FAM184A: variants seen among roughly 807,000 people sequenced by gnomAD.
FAM184A encodes family with sequence similarity 184 member A.
Under a neutral mutation model 143.8 loss-of-function variants are expected in FAM184A, and 99 were observed. That is an observed-to-expected ratio of 0.69 (90% confidence interval 0.58 to 0.81). The LOEUF is 0.81. FAM184A is among the 40% of genes least tolerant of loss of function. The pLI, the probability that FAM184A is intolerant of heterozygous loss-of-function variation, is 0.00. For missense variants in FAM184A, 1,217 were observed against 1,310.5 expected (o/e 0.93, Z 1.10); for synonymous variants, 427 against 446.4 (o/e 0.96, Z 0.55).
At chr6:118,971,089 A>G (rs1357971106) in intron 14 of FAM184A, among the ~76,000 whole-genome samples, 1 of 152,222 alleles carries the variant, frequency 6.6e-6, no homozygotes, top group Admixed American at 6.5e-5. Flanking sequence ...ATCATTTTCT[A>G]AACTCTTAAA....
chr6:119,053,508 G>A (rs537736660), intron 1 of FAM184A, among the ~76,000 whole-genome samples: 8 of 152,104 alleles, frequency 5.3e-5, no homozygotes, highest in Admixed American at 2.0e-4. Context: ...ACAGCCTAAC[G>A]CCAATTGTGC....
intron 6 of FAM184A, among the ~76,000 whole-genome samples, chr6:119,007,857 CT>C (rs1332807461): frequency 1.3e-5 from 2 of 151,832 alleles, no homozygotes; most frequent in African/African-American, 4.8e-5. Flanking sequence ...AGGGGAATTG[CT>C]TGCACCTGGG....
chr6:119,084,759 C>A (rs1023313367), intron 1 of FAM184A, among the ~76,000 whole-genome samples: 1 of 152,256 alleles, frequency 6.6e-6, no homozygotes, highest in Non-Finnish European at 1.5e-5. Context: ...CTTACACATA[C>A]AGGTTTTTCC....
chr6:119,092,258 C>T (rs1276587735), intron 1 of FAM184A, among the ~76,000 whole-genome samples: 2 of 152,138 alleles, frequency 1.3e-5, no homozygotes, highest in African/African-American at 4.8e-5. Flanking sequence ...ACCCCTCAGC[C>T]TTCCAAGTTG....
chr6:119,058,455 A>T lies in FAM184A; in HGVS notation c.159+19686T>A, dbSNP rs376594426. On this transcript the variant is annotated intron_variant, in intron 1 of 17. Coordinates refer to ENST00000338891, the MANE Select transcript of FAM184A (RefSeq NM_024581.6). ...TGACTTCAGGTGATCTGCCCACCTT[A>T]GTCTCCCAAAATGATGGGATTACAG... is the stretch of plus-strand genomic sequence containing the variant. Among the ~76,000 whole-genome samples, 343 of 152,056 alleles carry T rather than the reference A, an allele frequency of 2.3e-3. 1 individual carries two copies. The highest frequency in any genetic ancestry group is 3.8e-3 in the Admixed American group (58 of 15,256).
At chr6:119,147,804 C>T (rs1009805737) in intron 1 of FAM184A, among the ~76,000 whole-genome samples, 18 of 152,172 alleles carry the variant, frequency 1.2e-4, no homozygotes, top group African/African-American at 3.4e-4. Context: ...AAATCTGTAC[C>T]TACCCCTAAC....
At chr6:118,982,536 TACA>T (rs1784054175) in intron 9 of FAM184A, among the ~76,000 whole-genome samples, 2 of 152,244 alleles carry the variant, frequency 1.3e-5, no homozygotes, top group Non-Finnish European at 1.5e-5. Flanking sequence ...TCTGCCCTGG[TACA>T]GATCTGTGTC....
At chr6:119,017,476 C>T (rs530588671) in intron 4 of FAM184A, among the ~76,000 whole-genome samples, 7 of 147,902 alleles carry the variant, frequency 4.7e-5, no homozygotes, top group African/African-American at 1.3e-4. Context: ...CCAGCCTGGG[C>T]GACAGAGCGA....
intron 4 of FAM184A, among the ~76,000 whole-genome samples, chr6:119,017,429 CAG>C (rs60314254): frequency 0.027 from 4,114 of 151,018 alleles, 212 homozygotes; most frequent in African/African-American, 0.095. Context: ...AACTGGGAGA[CAG>C]AGTTTGCAGT....
At chr6:118,978,042 C>T (rs774075044) in intron 11 of FAM184A, among the ~76,000 whole-genome samples, 4 of 152,160 alleles carry the variant, frequency 2.6e-5, no homozygotes, top group Admixed American at 6.5e-5. Flanking sequence ...TGGCTCACTG[C>T]AAACTCGACC....
rs1324077732 is a variant in FAM184A at position 118,978,209 on chromosome 6, TGCCTCA to T, written c.2455+1150_2455+1155del. On this transcript the variant is annotated intron_variant, in intron 11 of 17. Coordinates refer to ENST00000338891, the MANE Select transcript of FAM184A (RefSeq NM_024581.6). ...AAATCCCGCCCTCAGGTGATCCACC[TGCCTCA>T]GCCTCCCAAAGTACTGGGATTAGAG... 2.7e-4 allele frequency among the ~76,000 whole-genome samples: 41 copies of T among 152,098 alleles called. 1 individual carries two copies. Among genetic ancestry groups the T allele is most frequent in the African/African-American group, 9.7e-4 (40 of 41,416 alleles).
chr6:119,060,419 G>A (rs1562132858), intron 1 of FAM184A, among the ~76,000 whole-genome samples: 3 of 152,178 alleles, frequency 2.0e-5, no homozygotes, highest in South Asian at 4.1e-4. Context: ...TAAAGCAACA[G>A]CCCACAGTCT....
At chr6:118,978,824 A>G (rs1783925333) in intron 11 of FAM184A, among the ~76,000 whole-genome samples, 1 of 152,224 alleles carries the variant, frequency 6.6e-6, no homozygotes, top group South Asian at 2.1e-4. Flanking sequence ...GAATGACATA[A>G]AAAACAAAAC....
Position 119,002,888 on chromosome 6 carries a change from T to C in FAM184A, c.2088+11A>G, listed in dbSNP as rs764452744. 3 of 1,602,340 alleles carry C rather than the reference T, an allele frequency of 1.9e-6. No homozygotes were observed. Among genetic ancestry groups the C allele is most frequent in the Non-Finnish European group, 2.6e-6 (3 of 1,175,824 alleles). On this transcript the variant is annotated intron_variant, in intron 9 of 17. Transcript: ENST00000338891. ...GAGATGAAACTTCATCATGTACACATTATTAATTACCTGGTTTAAGAGATC... is the reference window on the plus strand; with the variant it reads ...GAGATGAAACTTCATCATGTACACACTATTAATTACCTGGTTTAAGAGATC...
At chr6:119,140,776 T>C (rs1044542359) in intron 1 of FAM184A, among the ~76,000 whole-genome samples, 1 of 152,176 alleles carries the variant, frequency 6.6e-6, no homozygotes, top group Admixed American at 6.5e-5. Flanking sequence ...GGTCTCTCTT[T>C]CTCTTTCAGA....
intron 6 of FAM184A, 56 bp from the exon 7 acceptor site, chr6:119,006,664 G>T: frequency 7.6e-7 from 1 of 1,311,810 alleles, no homozygotes; most frequent in South Asian, 1.8e-5. Flanking sequence ...TAGCAAAATA[G>T]TCTTACAATT....
chr6:119,128,676 T>G (rs1318031565), intron 1 of FAM184A, among the ~76,000 whole-genome samples: 2 of 152,164 alleles, frequency 1.3e-5, no homozygotes, highest in Admixed American at 1.3e-4. Context: ...TTTTTAAAAC[T>G]GAGGCCCCCA....
At chr6:119,125,217 T>C (rs1270621785) in intron 1 of FAM184A, among the ~76,000 whole-genome samples, 4 of 152,218 alleles carry the variant, frequency 2.6e-5, no homozygotes, top group African/African-American at 9.7e-5. Context: ...AATCAACATA[T>C]GTATGGTTAA....
intron 1 of FAM184A, among the ~76,000 whole-genome samples, chr6:119,089,306 C>T (rs538379788): frequency 6.1e-4 from 92 of 151,924 alleles, no homozygotes; most frequent in African/African-American, 2.1e-3. Flanking sequence ...CAGGTTCAAG[C>T]GATTCTCCTG....
Sources: allele counts gnomAD v4.1 joint callset (sites outside exome capture counted in the v4.1 genomes callset), GRCh38; gene constraint gnomAD v4.1.1; transcripts MANE v1.5; gene names NCBI Gene and HGNC (gene_info 2026-07-23, HGNC 2026-07-21).